Variants in TMEM95 observed in about 807,000 individuals in gnomAD.
TMEM95 encodes transmembrane protein 95.
A neutral mutation model predicts 27.7 loss-of-function variants in TMEM95; 21 were observed. The ratio of observed to expected loss-of-function variants is 0.76; its 90% CI spans 0.54 to 1.09. The LOEUF (loss-of-function observed/expected upper bound fraction) is 1.09, where lower values mean the gene tolerates loss of function less well. TMEM95 is among the 50% of genes least tolerant of loss of function. The probability of loss-of-function intolerance (pLI) is 0.00; values close to 1 mark genes in which losing one functional copy is unlikely to be tolerated. For synonymous variants in TMEM95, 77 were observed against 85.7 expected (o/e 0.90, Z 0.56); for missense variants, 203 against 217.9 (o/e 0.93, Z 0.43).
rs377081409 is a variant in TMEM95, at chr17:7,356,613, A to G, written c.512A>G (p.Gln171Arg). 28 of 1,609,640 alleles carry G rather than the reference A, an allele frequency of 1.7e-5. No individual in the cohort carries two copies. Among genetic ancestry groups the G allele is most frequent in the Non-Finnish European group, 2.4e-5 (28 of 1,178,298 alleles). ...LSLLVESHHL[Q>R]AKSGL ...TCTTCCCTCAGGTCCCACCACCTCC[A>G]AGCAAAAAGTGGCTTGTGAAGACGC... Residue 171 changes from glutamine (Q) to arginine (R), a missense_variant, in exon 7 of 7, where the codon CAA (glutamine) becomes CGA (arginine). Transcript: ENST00000576060.
rs1267066954 is a variant in TMEM95, at chr17:7,356,689, C to T, written c.*57C>T. 1 of 1,591,386 alleles carries T rather than the reference C, an allele frequency of 6.3e-7. No homozygotes were observed. Among genetic ancestry groups the T allele is most frequent in the African/African-American group, 1.3e-5 (1 of 74,242 alleles). On this transcript the variant is annotated 3_prime_UTR_variant, in exon 7 of 7. Transcript: ENST00000576060. Reference sequence around the variant, plus strand: ...AAGGGGTATGCACTCACAACTTCCACATCCCTTGGAGGGGAACCAGTCAGC... The same window carrying T: ...AAGGGGTATGCACTCACAACTTCCATATCCCTTGGAGGGGAACCAGTCAGC...
rs758209302 is a variant in TMEM95, at chr17:7,356,319, C to A, written c.409+43C>A. ...GGCCCCGCCCCACCTTGCCCAGATCCCTGAGCCCTTGGGCTCCCAAGTCGG... is the reference window on the plus strand; with the variant it reads ...GGCCCCGCCCCACCTTGCCCAGATCACTGAGCCCTTGGGCTCCCAAGTCGG... On this transcript the variant is annotated intron_variant, in intron 5 of 6. Transcript: ENST00000576060. 3.1e-6 allele frequency: 5 copies of A among 1,604,864 alleles called. No individual in the cohort carries two copies. In the South Asian group the frequency reaches 4.4e-5, roughly 14 times the overall value.
chr17:7,355,916 A>C lies in TMEM95; in HGVS notation c.305A>C (p.Glu102Ala), dbSNP rs746343745. 6.2e-7 allele frequency: 1 copy of C among 1,613,754 alleles called. No individual in the cohort carries two copies. Among genetic ancestry groups the C allele is most frequent in the Non-Finnish European group, 8.5e-7 (1 of 1,179,918 alleles). ...ACCAAGCTCCCTGAGTACACCAGGG[A>C]AGGTACCGATGCGGGATGGGCCTCA... ...RKTKLPEYTREALCPPACRGS... is the reference protein window; with the variant it reads ...RKTKLPEYTRAALCPPACRGS... The change falls in exon 3 of 7, where the codon GAA becomes GCA. Residue 102 changes from glutamate (E) to alanine (A), a missense_variant and splice_region_variant. Physicochemically the swap from Glu to Ala is moderately radical, Grantham distance 107. Coordinates refer to ENST00000576060, the MANE Select transcript of TMEM95 (RefSeq NM_001320436.2). The surrounding 1 kb of genome is among the most constrained non-coding windows in gnomAD (Gnocchi z 4.9).
Position 7,356,880 on chromosome 17 carries a change from T to C in TMEM95, c.*248T>C. 1.9e-6 allele frequency: 1 copy of C among 528,696 alleles called. No individual in the cohort carries two copies. Among genetic ancestry groups the C allele is most frequent in the Non-Finnish European group, 3.4e-6 (1 of 296,948 alleles). The allele number at this position is 528,696 out of a possible 1,614,324, so 32.8% of individuals were successfully genotyped here. ...AACCCAGGCACCCACAGCTGGAAAGTTCCTCCCCTCCAGCCCTCAACCAAT... is the reference window on the plus strand; with the variant it reads ...AACCCAGGCACCCACAGCTGGAAAGCTCCTCCCCTCCAGCCCTCAACCAAT... On this transcript the variant is annotated 3_prime_UTR_variant, in exon 7 of 7. Transcript: ENST00000576060.
Position 7,356,625 on chromosome 17 carries a change from G to T in TMEM95, c.524G>T (p.Gly175Val), listed in dbSNP as rs151338944. ...TCCCACCACCTCCAAGCAAAAAGTG[G>T]CTTGTGAAGACGCTGAAAACCTCCC... ...VESHHLQAKS[G>V]L The change falls in exon 7 of 7, where the codon GGC becomes GTC. Residue 175 changes from glycine (G) to valine (V), a missense_variant. Transcript: ENST00000576060. The T allele has an allele frequency of 6.2e-7, 1 of 1,612,002 alleles. No individual in the cohort carries two copies. The highest frequency in any genetic ancestry group is 1.7e-5 in the Admixed American group (1 of 59,730).
chr17:7,355,163 G>C lies in TMEM95; in HGVS notation c.-42G>C. 1 of 1,589,586 alleles carries C rather than the reference G, an allele frequency of 6.3e-7. No individual in the cohort carries two copies. The highest frequency in any genetic ancestry group is 8.5e-7 in the Non-Finnish European group (1 of 1,169,676). On this transcript the variant is annotated 5_prime_UTR_variant, in exon 1 of 7. Transcript: ENST00000576060. The surrounding 1 kb of genome is among the most constrained non-coding windows in gnomAD (Gnocchi z 4.9). ...GAGCCAGGGCTGCAGAGCATTCCTC[G>C]GCTCAGCTGGGGCAGCGCCGCCCCA...
In TMEM95 at chr17:7,356,586, C is replaced by G. The variant is rs748635521; in HGVS notation, c.498-13C>G. 1 of 1,610,770 alleles carries G rather than the reference C, an allele frequency of 6.2e-7. No individual in the cohort carries two copies. The highest frequency in any genetic ancestry group is 1.3e-5 in the African/African-American group (1 of 74,850). On this transcript the variant is annotated splice_polypyrimidine_tract_variant and intron_variant, in intron 6 of 6. Transcript: ENST00000576060. The stretch of plus-strand genomic sequence containing the variant: ...GCCCCTCCCGTAGGCTTCCCACCCT[C>G]GTCTTCCCTCAGGTCCCACCACCTC...
In TMEM95 at chr17:7,356,733, A is replaced by G; in HGVS notation, c.*101A>G. ...AGTCAGCCCCTTAGTCCCAGCTCCA[A>G]AGACAGTCTCCAGACCCTAAAACCC... On this transcript the variant is annotated 3_prime_UTR_variant, in exon 7 of 7. Transcript: ENST00000576060. The G allele has an allele frequency of 7.5e-7, 1 of 1,331,200 alleles. No homozygotes were observed. The highest frequency in any genetic ancestry group is 1.1e-6 in the Non-Finnish European group (1 of 947,398). The allele number at this position is 1,331,200 out of a possible 1,614,324, so 82.5% of individuals were successfully genotyped here. A position where few individuals can be genotyped will look rare whatever the true frequency, so the allele number is the denominator to read the frequency against.
In TMEM95 at chr17:7,355,797, G is replaced by A. The variant is rs1390861233; in HGVS notation, c.227-41G>A. The A allele has an allele frequency of 5.6e-6, 9 of 1,604,610 alleles. No individual in the cohort carries two copies. The Admixed American group carries it at 6.7e-5, about 12-fold the overall frequency. On this transcript the variant is annotated intron_variant, in intron 2 of 6. Transcript: ENST00000576060. This position sits in a 1 kb window ranked among gnomAD's most constrained non-coding sequence, Gnocchi z 4.9. ...CGTGAAGAGAGGGGGAACTGGCCCC[G>A]TCGAGGCCCAGGGAAACGGAGCTGC...
intron 6 of TMEM95, 49 bp from the exon 7 acceptor site, chr17:7,356,550 G>GTCCC (rs761152598): frequency 1.9e-6 from 3 of 1,611,558 alleles, no homozygotes; most frequent in Non-Finnish European, 2.5e-6. Flanking sequence ...CCCTCCCTCT[G>GTCCC]TCCCTCCCAG....
chr17:7,355,757 A>G lies in TMEM95; in HGVS notation c.227-81A>G. On this transcript the variant is annotated intron_variant, in intron 2 of 6. Coordinates refer to ENST00000576060, the MANE Select transcript of TMEM95 (RefSeq NM_001320436.2). This position sits in a 1 kb window ranked among gnomAD's most constrained non-coding sequence, Gnocchi z 4.9. Reference sequence around the variant, plus strand: ...TGGAGGGGTAGAGACAGGAGGGCTGATCAGGGAGGGGCTGCGTGAAGAGAG... The same window carrying G: ...TGGAGGGGTAGAGACAGGAGGGCTGGTCAGGGAGGGGCTGCGTGAAGAGAG... The G allele has an allele frequency of 6.7e-7, 1 of 1,500,682 alleles. No homozygotes were observed. The highest frequency in any genetic ancestry group is 9.2e-7 in the Non-Finnish European group (1 of 1,089,528). The allele number at this position is 1,500,682 out of a possible 1,614,324, so 93.0% of individuals were successfully genotyped here. A position where few individuals can be genotyped will look rare whatever the true frequency, so the allele number is the denominator to read the frequency against.
rs199790335 is a variant in TMEM95, at chr17:7,355,322, G to T, written c.118G>T (p.Ala40Ser). Residue 40 changes from alanine to serine, a missense_variant, in exon 1 of 7, where the codon GCC becomes TCC. Ala to Ser is a moderately conservative substitution (Grantham distance 99, BLOSUM62 1). Coordinates refer to ENST00000576060, the MANE Select transcript of TMEM95 (RefSeq NM_001320436.2). This position sits in a 1 kb window ranked among gnomAD's most constrained non-coding sequence, Gnocchi z 4.9. ...GGCTCGGCTCTGCAGCCAGATGGAG[G>T]CCAGGCAGAAGGAATGTGGGGCCTC... Reference protein sequence around the residue: ...RLARLCSQMEARQKECGASPD... With the variant: ...RLARLCSQMESRQKECGASPD... 1 of 1,613,986 alleles carries T rather than the reference G, an allele frequency of 6.2e-7. No individual in the cohort carries two copies. The highest frequency in any genetic ancestry group is 1.3e-5 in the African/African-American group (1 of 74,926).
Position 7,355,526 on chromosome 17 carries a change from A to G in TMEM95, c.170-60A>G. On this transcript the variant is annotated intron_variant, in intron 1 of 6. Coordinates refer to ENST00000576060, the MANE Select transcript of TMEM95 (RefSeq NM_001320436.2). The surrounding 1 kb of genome is among the most constrained non-coding windows in gnomAD (Gnocchi z 4.9). ...AGAGAGCTCCATATCTGGGAAAGTC[A>G]GGAGAGACCCCAGAACCTGGGCTGA... The G allele has an allele frequency of 6.5e-7, 1 of 1,542,950 alleles. No homozygotes were observed. The highest frequency in any genetic ancestry group is 2.0e-5 in the Admixed American group (1 of 50,332).
rs751389004 is a variant in TMEM95 at position 7,355,998 on chromosome 17, AC to A, written c.308-26del. ...TGTGGTGAGCAGCTCATCCATTCACACCCCCACCCCTTCCTTGTCTTTCATT... is the reference window on the plus strand; with the variant it reads ...TGTGGTGAGCAGCTCATCCATTCACACCCCACCCCTTCCTTGTCTTTCATT... On this transcript the variant is annotated intron_variant, in intron 3 of 6. Coordinates refer to ENST00000576060, the MANE Select transcript of TMEM95 (RefSeq NM_001320436.2). This position sits in a 1 kb window ranked among gnomAD's most constrained non-coding sequence, Gnocchi z 4.9. The A allele has an allele frequency of 4.3e-6, 7 of 1,612,572 alleles. No homozygotes were observed. Among genetic ancestry groups the A allele is most frequent in the Admixed American group, 3.3e-5 (2 of 59,870 alleles).
In TMEM95 at chr17:7,356,922, A is replaced by C; in HGVS notation, c.*290A>C. On this transcript the variant is annotated 3_prime_UTR_variant, in exon 7 of 7. Transcript: ENST00000576060. ...TCAACCAATCACATGGCTGTCAACA[A>C]TGCCAGGAAAATATCTACAGAAGGA... is the stretch of plus-strand genomic sequence containing the variant. The C allele has an allele frequency of 1.6e-5, 7 of 443,920 alleles. No homozygotes were observed. Among genetic ancestry groups the C allele is most frequent in the African/African-American group, 2.0e-5 (1 of 49,594 alleles). The allele number at this position is 443,920 out of a possible 1,614,324, so 27.5% of individuals were successfully genotyped here.
Position 7,355,595 on chromosome 17 carries a change from C to A in TMEM95, c.179C>A (p.Ser60Tyr). ...DFSAFALDEVSMNKVTEKTHR... is the reference protein window; with the variant it reads ...DFSAFALDEVYMNKVTEKTHR... ...TTGCCCATCTCCACAGATGAGGTGT[C>A]CATGAACAAAGTCACAGAGAAGACT... is the stretch of plus-strand genomic sequence containing the variant. The change falls in exon 2 of 7, where the codon TCC becomes TAC. Residue 60 changes from serine to tyrosine, a missense_variant. By Grantham distance (144) the Ser-to-Tyr change is moderately radical. Coordinates refer to ENST00000576060, the MANE Select transcript of TMEM95 (RefSeq NM_001320436.2). This position sits in a 1 kb window ranked among gnomAD's most constrained non-coding sequence, Gnocchi z 4.9. 6.4e-7 allele frequency: 1 copy of A among 1,555,690 alleles called. No individual in the cohort carries two copies. The highest frequency in any genetic ancestry group is 1.2e-5 in the South Asian group (1 of 84,692).
intron 4 of TMEM95, 54 bp from the exon 5 acceptor site, chr17:7,356,142 C>T (rs1311102352): frequency 2.5e-6 from 4 of 1,600,858 alleles, no homozygotes; most frequent in Non-Finnish European, 3.4e-6. Context: ...GGGTACCAGG[C>T]AGGGTGGAGG....
In TMEM95 at chr17:7,355,383, G is replaced by C. The variant is rs368892164; in HGVS notation, c.169+10G>C. The C allele has an allele frequency of 2.5e-6, 4 of 1,604,438 alleles. No individual in the cohort carries two copies. The highest frequency in any genetic ancestry group is 3.4e-6 in the Non-Finnish European group (4 of 1,173,262). On this transcript the variant is annotated intron_variant, in intron 1 of 6. Coordinates refer to ENST00000576060, the MANE Select transcript of TMEM95 (RefSeq NM_001320436.2). This position sits in a 1 kb window ranked among gnomAD's most constrained non-coding sequence, Gnocchi z 4.9. ...TCGGCCTTTGCCTTAGGTAGGACCA[G>C]ACATCCAGGGATGGGCCCAGCAAGC...
In TMEM95 at chr17:7,355,545, G is replaced by A. The variant is rs112093620; in HGVS notation, c.170-41G>A. ...AAAGTCAGGAGAGACCCCAGAACCT[G>A]GGCTGATGAGGGAATCGCTGGTCCT... is the stretch of plus-strand genomic sequence containing the variant. On this transcript the variant is annotated intron_variant, in intron 1 of 6. Transcript: ENST00000576060. This position sits in a 1 kb window ranked among gnomAD's most constrained non-coding sequence, Gnocchi z 4.9. The A allele has an allele frequency of 1.9e-6, 3 of 1,550,758 alleles. No homozygotes were observed. The South Asian group carries it at 3.6e-5, about 18-fold the overall frequency.
Sources: allele counts gnomAD v4.1 joint callset, GRCh38; gene constraint gnomAD v4.1.1; non-coding constraint Gnocchi (gnomAD v3.1); transcripts MANE v1.5; gene names NCBI Gene and HGNC (gene_info 2026-07-23, HGNC 2026-07-21).